Variants in FAM234A observed in about 807,000 individuals in gnomAD.
The protein encoded by FAM234A is protein FAM234A.
A neutral mutation model predicts 49.1 loss-of-function variants in FAM234A; 42 were observed. The ratio of observed to expected loss-of-function variants is 0.86; its 90% confidence interval spans 0.67 to 1.11. FAM234A has a LOEUF of 1.11. Ranked by LOEUF, FAM234A falls within the 50% of genes least tolerant of loss-of-function variation. FAM234A has a pLI of 0.00. For synonymous variants in FAM234A, 369 were observed against 316.2 expected (o/e 1.17, Z -1.77); for missense variants, 815 against 745.2 (o/e 1.09, Z -1.09).
intron 3 of FAM234A, 92 bp from the exon 4 acceptor site, chr16:259,391 C>CGCCGTAT: frequency 1.4e-6 from 1 of 733,654 alleles, no homozygotes; most frequent in Non-Finnish European, 2.4e-6. Flanking sequence ...GTGGCAGGTT[C>CGCCGTAT]CATGTAGCAG....
At chr16:256,511 GTC>G (rs1262740367) in intron 3 of FAM234A, among the ~76,000 whole-genome samples, 2 of 151,992 alleles carry the variant, frequency 1.3e-5, no homozygotes, top group East Asian at 3.9e-4. Flanking sequence ...TTTGGTGAAT[GTC>G]TATTCTTGCA....
At chr16:244,101 TG>T in intron 1 of FAM234A, among the ~76,000 whole-genome samples, 1 of 152,144 alleles carries the variant, frequency 6.6e-6, no homozygotes, top group East Asian at 1.9e-4. Context: ...CCTGAGTAGC[TG>T]GGACTACAGG....
chr16:243,466 G>A (rs1261253967), intron 1 of FAM234A, among the ~76,000 whole-genome samples: 1 of 152,116 alleles, frequency 6.6e-6, no homozygotes, highest in Non-Finnish European at 1.5e-5. Flanking sequence ...TGAAGCTCTG[G>A]CTACGGCTCC....
At chr16:244,216 CCTTGGCCTCCCAAAGTGCTGGG>C in intron 1 of FAM234A, among the ~76,000 whole-genome samples, 1 of 152,140 alleles carries the variant, frequency 6.6e-6, no homozygotes, top group Non-Finnish European at 1.5e-5. Context: ...GATCCACCCG[CCTTGGCCTCCCAAAGTGCTGGG>C]ATTACAGGCG....
chr16:269,846 C>T (rs2051839215), downstream of FAM234A: 1 of 438,380 alleles, frequency 2.3e-6, no homozygotes, highest in Admixed American at 3.9e-5. Flanking sequence ...AACCGCGGCA[C>T]CTCCTCAGCC....
chr16:269,221 G>A (rs1319546981), downstream of FAM234A: 6 of 1,344,192 alleles, frequency 4.5e-6, no homozygotes, highest in Non-Finnish European at 4.2e-6. Context: ...CTGCATTCAC[G>A]CAGGACGTTG....
intron 1 of FAM234A, among the ~76,000 whole-genome samples, chr16:249,126 C>T (rs1221007657): frequency 1.3e-5 from 2 of 151,922 alleles, no homozygotes; most frequent in Admixed American, 6.6e-5. Flanking sequence ...GAACAGAAAA[C>T]CCAGAATACA....
At position 259,604 on chromosome 16, in the gene FAM234A, T is replaced by C. The variant is rs766194531; in HGVS notation, c.385+5T>C. 1 of 1,550,596 alleles carries C rather than the reference T, an allele frequency of 6.4e-7. No homozygotes were observed. The highest frequency in any genetic ancestry group is 8.9e-7 in the Non-Finnish European group (1 of 1,123,822). ...GCCGATCCTGTGTGGACGAAGGTAATTTCATTTTATATGAAAAAGGCGGAG... is the reference window on the plus strand; with the variant it reads ...GCCGATCCTGTGTGGACGAAGGTAACTTCATTTTATATGAAAAAGGCGGAG... On this transcript the variant is annotated splice_donor_5th_base_variant and intron_variant, in intron 4 of 12. Coordinates refer to ENST00000399932, the MANE Select transcript of FAM234A (RefSeq NM_032039.4).
chr16:256,483 G>C (rs2051237715), intron 3 of FAM234A, among the ~76,000 whole-genome samples: 1 of 152,044 alleles, frequency 6.6e-6, no homozygotes, highest in South Asian at 2.1e-4. Context: ...TTTGGTGAAT[G>C]TCTATTCTTG....
downstream of FAM234A, among the ~76,000 whole-genome samples, chr16:266,644 C>T (rs899802862): frequency 2.0e-5 from 3 of 152,194 alleles, no homozygotes; most frequent in Non-Finnish European, 2.9e-5. Context: ...ACCTTGTTCC[C>T]ATTGCTCCTT....
At chr16:267,444 C>A (rs1203872806), downstream of FAM234A, among the ~76,000 whole-genome samples, 1 of 152,062 alleles carries the variant, frequency 6.6e-6, no homozygotes, top group Non-Finnish European at 1.5e-5. Flanking sequence ...ATCACATGCA[C>A]AATACATTCA....
At chr16:266,625 A>G (rs1479510579), downstream of FAM234A, among the ~76,000 whole-genome samples, 1 of 152,206 alleles carries the variant, frequency 6.6e-6, no homozygotes, top group African/African-American at 2.4e-5. Context: ...TCAGAGCCAC[A>G]CAGGTGTAAC....
At chr16:246,398 C>T (rs2050806222) in intron 1 of FAM234A, among the ~76,000 whole-genome samples, 1 of 143,258 alleles carries the variant, frequency 7.0e-6, no homozygotes, top group Non-Finnish European at 1.5e-5. Flanking sequence ...CCTGCCTCAG[C>T]CTCCTGAGTA....
chr16:266,840 G>A (rs1262898595), downstream of FAM234A, among the ~76,000 whole-genome samples: 1 of 152,122 alleles, frequency 6.6e-6, no homozygotes, highest in African/African-American at 2.4e-5. Context: ...GGTGGGGCTG[G>A]AGGGAGAAGG....
intron 1 of FAM234A, among the ~76,000 whole-genome samples, chr16:249,161 G>A (rs990906170): frequency 1.3e-5 from 2 of 152,008 alleles, no homozygotes; most frequent in Non-Finnish European, 2.9e-5. Context: ...TTCAGAGGAA[G>A]AGGCCCTTTC....
chr16:243,637 C>T (rs2050694028), intron 1 of FAM234A, among the ~76,000 whole-genome samples: 1 of 152,190 alleles, frequency 6.6e-6, no homozygotes, highest in South Asian at 2.1e-4. Context: ...AATAACTACC[C>T]CTATTTCTGG....
At chr16:260,213 C>G in intron 5 of FAM234A, 53 bp downstream of exon 5, 1 of 1,548,240 alleles carries the variant, frequency 6.5e-7, no homozygotes, top group Non-Finnish European at 8.9e-7. Flanking sequence ...CCTGAGCCAC[C>G]TCACCCTGAG....
chr16:260,441 T>A, intron 5 of FAM234A: 1 of 523,766 alleles, frequency 1.9e-6, no homozygotes, highest in Non-Finnish European at 3.6e-6. Context: ...TGCCATGGGG[T>A]AGCAGAGAGG....
At chr16:269,685 CCA>C (rs1417089491), downstream of FAM234A, 8 of 949,406 alleles carry the variant, frequency 8.4e-6, no homozygotes, top group Non-Finnish European at 1.3e-5. Context: ...CCTCCTCCAG[CCA>C]CAGAGTCTCC....
Sources: allele counts gnomAD v4.1 joint callset (sites outside exome capture counted in the v4.1 genomes callset), GRCh38; gene constraint gnomAD v4.1.1; transcripts MANE v1.5; gene names NCBI Gene and HGNC (gene_info 2026-07-23, HGNC 2026-07-21).